WDHD1: variants seen among roughly 807,000 people sequenced by gnomAD.
WDHD1 encodes the protein WD repeat and HMG-box DNA binding protein 1.
In WDHD1, 111 loss-of-function variants were observed where a neutral mutation model predicts 135.4. That is an observed-to-expected ratio of 0.82 (90% CI 0.70 to 0.96). The LOEUF is 0.96. WDHD1 is among the 40% of genes least tolerant of loss of function. The pLI, the probability that WDHD1 is intolerant of heterozygous loss-of-function variation, is 0.00. For missense variants in WDHD1, 1,351 were observed against 1,336.3 expected (o/e 1.01, Z -0.17); for synonymous variants, 434 against 439.0 (o/e 0.99, Z 0.14).
intron 2 of WDHD1, 72 bp from the exon 3 acceptor site, chr14:55,013,668 G>A: frequency 3.5e-6 from 4 of 1,157,340 alleles, no homozygotes; most frequent in South Asian, 1.2e-5. Context: ...CACTTTGGGA[G>A]TACAAGGTGG....
chr14:54,979,273 T>C (rs1034054759), intron 16 of WDHD1, among the ~76,000 whole-genome samples: 2 of 151,064 alleles, frequency 1.3e-5, no homozygotes, highest in Non-Finnish European at 3.0e-5. Flanking sequence ...CCTCTTAGCC[T>C]CTCAAGTAGC....
intron 2 of WDHD1, among the ~76,000 whole-genome samples, chr14:55,022,431 C>T (rs1313502439): frequency 1.3e-5 from 2 of 151,912 alleles, no homozygotes; most frequent in African/African-American, 4.8e-5. Flanking sequence ...TTCTTTGTGG[C>T]ATTTTTCCCC....
intron 10 of WDHD1, among the ~76,000 whole-genome samples, chr14:54,997,490 T>C (rs957998091): frequency 3.3e-5 from 5 of 152,176 alleles, no homozygotes; most frequent in African/African-American, 9.7e-5. Flanking sequence ...AATCCATACA[T>C]TGAAAAATAC....
At chr14:54,999,788 G>A (rs1487481209) in intron 10 of WDHD1, among the ~76,000 whole-genome samples, 1 of 151,900 alleles carries the variant, frequency 6.6e-6, no homozygotes, top group Non-Finnish European at 1.5e-5. Flanking sequence ...TTAATTTTTT[G>A]TAGAGATGGG....
chr14:54,987,907 G>A (rs112030294), intron 13 of WDHD1, among the ~76,000 whole-genome samples: 9 of 152,272 alleles, frequency 5.9e-5, no homozygotes, highest in African/African-American at 9.6e-5. Flanking sequence ...GATTACAGGC[G>A]TGAGCCACCA....
intron 24 of WDHD1, among the ~76,000 whole-genome samples, chr14:54,946,244 G>T (rs1000671565): frequency 2.0e-5 from 3 of 152,220 alleles, no homozygotes; most frequent in Middle Eastern, 3.2e-3. Flanking sequence ...AGAGACGTGA[G>T]TCTCACTATG....
chr14:54,944,616 CTTTTTTTTTT>C (rs780376690), intron 24 of WDHD1, 146 bp from the exon 25 acceptor site: 20 of 269,486 alleles, frequency 7.4e-5, no homozygotes, highest in Middle Eastern at 1.3e-3. Flanking sequence ...ATTCATGTTA[CTTTTTTTTTT>C]TTTTTTTTTT....
intron 21 of WDHD1, among the ~76,000 whole-genome samples, chr14:54,960,161 AGTTT>A (rs1412505603): frequency 2.6e-5 from 4 of 151,892 alleles, no homozygotes; most frequent in Non-Finnish European, 4.4e-5. Flanking sequence ...CTGCCTCTGT[AGTTT>A]GTTTGTTTAT....
intron 7 of WDHD1, among the ~76,000 whole-genome samples, chr14:55,003,150 GA>G (rs372726165): frequency 4.0e-5 from 6 of 151,504 alleles, no homozygotes; most frequent in African/African-American, 1.2e-4. Flanking sequence ...TGTAAGCAAA[GA>G]AAAAAAATAC....
intron 21 of WDHD1, among the ~76,000 whole-genome samples, chr14:54,960,931 C>G (rs2041242023): frequency 1.3e-5 from 2 of 152,176 alleles, no homozygotes; most frequent in Non-Finnish European, 2.9e-5. Context: ...TCCCAAATAC[C>G]TGGGACTACC....
chr14:54,950,637 C>G (rs1402266522), intron 24 of WDHD1, among the ~76,000 whole-genome samples: 1 of 152,086 alleles, frequency 6.6e-6, no homozygotes, highest in Non-Finnish European at 1.5e-5. Context: ...CAGCTCTGCA[C>G]CAAGCAGACC....
chr14:54,995,794 T>C lies in WDHD1; in HGVS notation c.962A>G (p.Lys321Arg). The C allele has an allele frequency of 1.3e-6, 2 of 1,598,454 alleles. No individual in the cohort carries two copies. The highest frequency in any genetic ancestry group is 8.5e-7 in the Non-Finnish European group (1 of 1,172,280). ...SSSKVSSRVE[K>R]DYNDLFDGDD... ...TCCATCAAAAAGATCATTATAATCC[T>C]TTTCCACTCTGCTAGATACCTTGAA... Residue 321 changes from lysine to arginine, a missense_variant, in exon 11 of 26, where the codon AAG becomes AGG. Around this residue, in one of 2 missense-constraint regions of WDHD1, gnomAD observed 1,330 missense variants for 1,296.1 expected, o/e 1.03. Coordinates refer to ENST00000360586, the MANE Select transcript of WDHD1 (RefSeq NM_007086.4).
chr14:54,954,502 T>C (rs1439736826), intron 24 of WDHD1, among the ~76,000 whole-genome samples: 1 of 152,228 alleles, frequency 6.6e-6, no homozygotes, highest in Non-Finnish European at 1.5e-5. Context: ...TATAGCTATA[T>C]ATGCATCTGT....
chr14:54,956,009 T>C (rs2041154027), intron 23 of WDHD1, among the ~76,000 whole-genome samples: 1 of 151,110 alleles, frequency 6.6e-6, no homozygotes, highest in Non-Finnish European at 1.5e-5. Flanking sequence ...GTGGTTCTCC[T>C]GACTCACCCT....
intron 2 of WDHD1, among the ~76,000 whole-genome samples, chr14:55,025,902 CTCCG>C (rs2042429357): frequency 6.6e-6 from 1 of 152,220 alleles, no homozygotes. Flanking sequence ...TTAATGCCTG[CTCCG>C]TCTTCAGATG....
intron 6 of WDHD1, among the ~76,000 whole-genome samples, chr14:55,007,788 G>A (rs2042097326): frequency 6.6e-6 from 1 of 152,310 alleles, no homozygotes; most frequent in East Asian, 1.9e-4. Context: ...CATATTTGTG[G>A]AGGATATTTC....
At chr14:54,950,258 G>A (rs2041020327) in intron 24 of WDHD1, among the ~76,000 whole-genome samples, 1 of 152,160 alleles carries the variant, frequency 6.6e-6, no homozygotes, top group Admixed American at 6.6e-5. Flanking sequence ...CATGTCATGT[G>A]CAGAGACACA....
At chr14:54,994,957 C>T (rs889300356) in intron 11 of WDHD1, among the ~76,000 whole-genome samples, 16 of 151,980 alleles carry the variant, frequency 1.1e-4, no homozygotes, top group Admixed American at 4.6e-4. Context: ...TGATCAACCA[C>T]GATAGATATT....
chr14:54,968,065 T>C (rs1248810047), intron 16 of WDHD1, among the ~76,000 whole-genome samples: 4 of 152,202 alleles, frequency 2.6e-5, no homozygotes, highest in African/African-American at 9.7e-5. Context: ...AGATAAATGC[T>C]GATGAAGCTG....
Sources: gnomAD v4.1 joint callset for allele counts (sites outside exome capture counted in the v4.1 genomes callset) on GRCh38, gnomAD v4.1.1 for gene constraint, gnomAD v4.1.1 regional missense constraint, MANE v1.5 for transcripts, NCBI Gene and HGNC (gene_info 2026-07-23, HGNC 2026-07-21) for gene names.